Variants in IL1RAPL2 observed in about 807,000 individuals in gnomAD.
IL1RAPL2 encodes X-linked interleukin-1 receptor accessory protein-like 2.
A neutral mutation model predicts 44.1 loss-of-function variants in IL1RAPL2; 3 were observed. The observed-to-expected ratio is 0.07, with a 90% CI of 0.03 to 0.18. IL1RAPL2 has a LOEUF of 0.18. IL1RAPL2 is among the 10% of genes least tolerant of loss of function. The pLI, the probability that IL1RAPL2 is intolerant of heterozygous loss-of-function variation, is 1.00. For synonymous variants in IL1RAPL2, 181 were observed against 178.8 expected (o/e 1.01, Z -0.10); for missense variants, 391 against 496.4 (o/e 0.79, Z 2.02).
At chrX:105,609,459 TAGAG>T (rs777690205) in intron 6 of IL1RAPL2, among the ~76,000 whole-genome samples, 1 of 111,153 alleles carries the variant, frequency 9.0e-6, no homozygotes, top group Non-Finnish European at 1.9e-5. Flanking sequence ...GGGGTAATTA[TAGAG>T]AGTTTCCTCA....
At chrX:105,517,814 T>C (rs904520507) in intron 6 of IL1RAPL2, among the ~76,000 whole-genome samples, 2 of 111,286 alleles carry the variant, frequency 1.8e-5, no homozygotes, top group East Asian at 2.8e-4. Flanking sequence ...TAAAATTAAA[T>C]TGCTAAAAGG....
At chrX:104,992,262 GA>G (rs1478034754) in intron 2 of IL1RAPL2, among the ~76,000 whole-genome samples, 1 of 111,040 alleles carries the variant, frequency 9.0e-6, no homozygotes, top group East Asian at 2.8e-4. Context: ...TTGCATTTTA[GA>G]AAAAAAGCAC....
chrX:104,830,049 A>G (rs761729445), intron 2 of IL1RAPL2, among the ~76,000 whole-genome samples: 1 of 111,738 alleles, frequency 8.9e-6, no homozygotes, highest in South Asian at 3.8e-4. Flanking sequence ...TTTTTACTAC[A>G]TGAAGCAAAC....
chrX:105,502,860 TA>T (rs371672059), intron 6 of IL1RAPL2, among the ~76,000 whole-genome samples: 1,809 of 109,364 alleles, frequency 0.017, 35 homozygotes, highest in African/African-American at 0.055. Context: ...ATCAGTGCTT[TA>T]AAAAAAAATG....
At chrX:105,398,635 C>T (rs764808795) in intron 5 of IL1RAPL2, among the ~76,000 whole-genome samples, 2 of 111,432 alleles carry the variant, frequency 1.8e-5, no homozygotes, top group South Asian at 7.5e-4. Flanking sequence ...TGGAAATGAA[C>T]CAACATGCTT....
intron 3 of IL1RAPL2, among the ~76,000 whole-genome samples, chrX:105,200,600 T>C (rs1263788039): frequency 8.0e-5 from 9 of 112,216 alleles, no homozygotes; most frequent in African/African-American, 2.6e-4. Context: ...TAATCCTGCA[T>C]TGAATTCACA....
intron 5 of IL1RAPL2, among the ~76,000 whole-genome samples, chrX:105,463,570 C>CCA (rs55781747): frequency 0.014 from 1,397 of 98,634 alleles, 13 homozygotes; most frequent in East Asian, 0.023. Context: ...TCTCTCTCTC[C>CCA]CACACACACA....
chrX:104,653,086 T>C (rs1260895934), intron 1 of IL1RAPL2, among the ~76,000 whole-genome samples: 6 of 111,177 alleles, frequency 5.4e-5, no homozygotes, highest in Non-Finnish European at 1.1e-4. Context: ...CTATGGGCAC[T>C]ATATAAACAG....
At position 104,799,143 on chromosome X, in the gene IL1RAPL2, C is replaced by T. The variant is rs769898081; in HGVS notation, c.82+140148C>T. On this transcript the variant is annotated intron_variant, in intron 2 of 10. Transcript: ENST00000372582. Reference sequence around the variant, plus strand: ...GTTAAGTTACTCGCCTAAGATTACACAGCTAGCAAGCTAAGTCTCAAACCC... The same window carrying T: ...GTTAAGTTACTCGCCTAAGATTACATAGCTAGCAAGCTAAGTCTCAAACCC... Among the ~76,000 whole-genome samples, 48 of 110,928 alleles carry T rather than the reference C, an allele frequency of 4.3e-4. 1 individual carries two copies. Among genetic ancestry groups the T allele is most frequent in the Non-Finnish European group, 7.4e-4 (39 of 52,962 alleles).
At chrX:105,153,878 G>T (rs781173021) in intron 2 of IL1RAPL2, among the ~76,000 whole-genome samples, 1 of 111,161 alleles carries the variant, frequency 9.0e-6, no homozygotes, top group Non-Finnish European at 1.9e-5. Context: ...AGAGAGAATA[G>T]ATGGTGATTT....
At chrX:104,931,112 G>A (rs1347484286) in intron 2 of IL1RAPL2, among the ~76,000 whole-genome samples, 4 of 110,434 alleles carry the variant, frequency 3.6e-5, no homozygotes, top group Non-Finnish European at 7.6e-5. Flanking sequence ...CATAATTTAT[G>A]TATACTTATT....
chrX:105,358,536 C>A (rs1159657135), intron 5 of IL1RAPL2, among the ~76,000 whole-genome samples: 1 of 108,313 alleles, frequency 9.2e-6, no homozygotes, highest in Non-Finnish European at 1.9e-5. Context: ...ATTAGCTTGG[C>A]ATTTTCCCAC....
At chrX:105,279,978 C>G (rs2034518110) in intron 5 of IL1RAPL2, among the ~76,000 whole-genome samples, 1 of 112,102 alleles carries the variant, frequency 8.9e-6, no homozygotes, top group South Asian at 3.7e-4. Flanking sequence ...CAAGACAATC[C>G]TGGGTGAGAA....
chrX:105,618,482 G>C (rs1444496202), intron 6 of IL1RAPL2, among the ~76,000 whole-genome samples: 1 of 111,062 alleles, frequency 9.0e-6, no homozygotes, highest in Non-Finnish European at 1.9e-5. Context: ...GGTTGGAAAT[G>C]AAGTTTTCTG....
intron 6 of IL1RAPL2, among the ~76,000 whole-genome samples, chrX:105,651,730 C>A (rs2037643384): frequency 2.7e-5 from 3 of 111,523 alleles, no homozygotes; most frequent in African/African-American, 9.8e-5. Flanking sequence ...CCTCACTGTT[C>A]TTCTATTTTC....
intron 2 of IL1RAPL2, among the ~76,000 whole-genome samples, chrX:105,186,119 C>G (rs1463574156): frequency 2.7e-5 from 3 of 111,368 alleles, no homozygotes; most frequent in Non-Finnish European, 5.6e-5. Flanking sequence ...CATTTTATAT[C>G]AAGGTCTTGA....
intron 5 of IL1RAPL2, among the ~76,000 whole-genome samples, chrX:105,368,199 A>G (rs959883056): frequency 9.0e-6 from 1 of 110,599 alleles, no homozygotes; most frequent in African/African-American, 3.3e-5. Context: ...TTCCTAAGAG[A>G]GAAGGTTATT....
intron 1 of IL1RAPL2, among the ~76,000 whole-genome samples, chrX:104,604,956 G>A (rs1002956334): frequency 1.8e-5 from 2 of 110,983 alleles, no homozygotes; most frequent in Non-Finnish European, 3.8e-5. Flanking sequence ...CTCAGCTCTG[G>A]ACCAAGCAGA....
intron 4 of IL1RAPL2, among the ~76,000 whole-genome samples, chrX:105,237,615 A>ATG (rs781959075): frequency 2.7e-5 from 3 of 111,519 alleles, no homozygotes; most frequent in East Asian, 5.7e-4. Context: ...GCATTTTTTC[A>ATG]TGTCTTTTGG....
Sources: gnomAD v4.1 joint callset for allele counts (sites outside exome capture counted in the v4.1 genomes callset) on GRCh38, gnomAD v4.1.1 for gene constraint, MANE v1.5 for transcripts, NCBI Gene and HGNC (gene_info 2026-07-23, HGNC 2026-07-21) for gene names.